DDC: variants seen among roughly 807,000 people sequenced by gnomAD.
DDC encodes the protein dopa decarboxylase, also known as aromatic-L-amino-acid decarboxylase.
A neutral mutation model predicts 60.0 loss-of-function variants in DDC; 43 were observed. The ratio of observed to expected loss-of-function variants is 0.72; its 90% confidence interval spans 0.56 to 0.92. The LOEUF (loss-of-function observed/expected upper bound fraction) is 0.92, where lower values mean the gene tolerates loss of function less well. Ranked by LOEUF, DDC falls within the 40% of genes least tolerant of loss-of-function variation. The pLI is 0.00. For missense variants in DDC, 573 were observed against 620.2 expected, an observed-to-expected ratio of 0.92 and a Z score of 0.81; for synonymous variants, 232 against 234.6, an observed-to-expected ratio of 0.99 and a Z score of 0.10.
At chr7:50,562,809 A>G (rs1390221846) in intron 1 of DDC, among the ~76,000 whole-genome samples, 1 of 152,232 alleles carries the variant, frequency 6.6e-6, no homozygotes, top group Admixed American at 6.5e-5. Flanking sequence ...TCATTTATGT[A>G]TAAATAGTAT....
At chr7:50,553,384 C>A (rs1019489200) in intron 1 of DDC, among the ~76,000 whole-genome samples, 3 of 152,114 alleles carry the variant, frequency 2.0e-5, no homozygotes, top group African/African-American at 7.2e-5. Flanking sequence ...GGCTCACTAT[C>A]CCCCTCAAGC....
At chr7:50,526,473 C>T (rs934347515) in intron 6 of DDC, among the ~76,000 whole-genome samples, 1 of 151,308 alleles carries the variant, frequency 6.6e-6, no homozygotes, top group South Asian at 2.1e-4. Flanking sequence ...GAAAAGATGC[C>T]GAATGGAAAT....
intron 6 of DDC, among the ~76,000 whole-genome samples, chr7:50,510,289 C>T (rs970550175): frequency 6.6e-6 from 1 of 151,230 alleles, no homozygotes; most frequent in Non-Finnish European, 1.5e-5. Flanking sequence ...ATGTATCTTA[C>T]TTATTTACTT....
chr7:50,495,308 A>T (rs2043103549), intron 9 of DDC, 42 bp downstream of exon 9: 2 of 1,490,966 alleles, frequency 1.3e-6, no homozygotes, highest in African/African-American at 1.4e-5. Context: ...TTTCACTGTC[A>T]CCTCGGACAG....
intron 6 of DDC, among the ~76,000 whole-genome samples, chr7:50,508,008 T>C (rs1030676624): frequency 6.6e-6 from 1 of 152,252 alleles, no homozygotes; most frequent in Non-Finnish European, 1.5e-5. Context: ...GCTCTTGTTG[T>C]CCTGCCACAT....
intron 8 of DDC, among the ~76,000 whole-genome samples, chr7:50,496,170 A>G (rs1213278627): frequency 6.6e-6 from 1 of 151,772 alleles, no homozygotes; most frequent in African/African-American, 2.4e-5. Flanking sequence ...TGCAGCCTCA[A>G]CCTCCCAAGC....
At chr7:50,471,311 C>T (rs1031101352) in intron 11 of DDC, among the ~76,000 whole-genome samples, 7 of 152,114 alleles carry the variant, frequency 4.6e-5, no homozygotes, top group African/African-American at 1.4e-4. Context: ...ACCCAGGAGG[C>T]GGAGGTTGCA....
chr7:50,483,920 T>C (rs2153536997), intron 9 of DDC, among the ~76,000 whole-genome samples: 1 of 147,606 alleles, frequency 6.8e-6, no homozygotes, highest in South Asian at 2.2e-4. Flanking sequence ...AAAAAAAGAA[T>C]AATAATTTGG....
Position 50,494,236 on chromosome 7 carries a change from C to T in DDC, c.944+1114G>A, listed in dbSNP as rs184538276. On this transcript the variant is annotated intron_variant, in intron 9 of 14. Transcript: ENST00000444124. The stretch of plus-strand genomic sequence containing the variant: ...TTATTAAGAATTTCCGGCCAGGCAC[C>T]GTGGCTTACGCCTGTAATCCCAGCA... Among the ~76,000 whole-genome samples the T allele has an allele frequency of 2.0e-5, 3 of 152,232 alleles. No homozygotes were observed. The South Asian group carries it at 6.2e-4, about 32-fold the overall frequency.
At chr7:50,494,643 C>G (rs182037787) in intron 9 of DDC, among the ~76,000 whole-genome samples, 2 of 150,530 alleles carry the variant, frequency 1.3e-5, no homozygotes, top group African/African-American at 4.9e-5. Context: ...TCTTAGGAAA[C>G]ATGGTTACTA....
chr7:50,551,376 G>A (rs1213498865), intron 1 of DDC, among the ~76,000 whole-genome samples: 2 of 151,816 alleles, frequency 1.3e-5, no homozygotes, highest in East Asian at 1.9e-4. Flanking sequence ...GATTACAGGC[G>A]CATGCCACCA....
intron 10 of DDC, chr7:50,477,477 G>A: frequency 2.2e-6 from 1 of 454,634 alleles, no homozygotes; most frequent in East Asian, 7.0e-5. Flanking sequence ...AGGGGCTGTG[G>A]CAGGGCCATA....
At chr7:50,515,132 A>G (rs2043692422) in intron 6 of DDC, among the ~76,000 whole-genome samples, 1 of 152,242 alleles carries the variant, frequency 6.6e-6, no homozygotes, top group African/African-American at 2.4e-5. Context: ...TTAAGATGAA[A>G]GAAAGAATCT....
chr7:50,525,374 A>G (rs1443469481), intron 6 of DDC, among the ~76,000 whole-genome samples: 1 of 152,236 alleles, frequency 6.6e-6, no homozygotes, highest in Non-Finnish European at 1.5e-5. Context: ...TATAGTTATA[A>G]AAGTTGGAAC....
At chr7:50,488,841 G>T (rs1161820569) in intron 9 of DDC, among the ~76,000 whole-genome samples, 2 of 152,186 alleles carry the variant, frequency 1.3e-5, no homozygotes, top group East Asian at 3.9e-4. Flanking sequence ...TCATCTCGCT[G>T]TTTTCAGCTT....
At chr7:50,556,631 C>T (rs985732940) in intron 1 of DDC, among the ~76,000 whole-genome samples, 1 of 152,204 alleles carries the variant, frequency 6.6e-6, no homozygotes, top group East Asian at 1.9e-4. Context: ...ATTTCACTCT[C>T]CACACCTGTG....
chr7:50,477,881 C>A (rs565685179), intron 10 of DDC, among the ~76,000 whole-genome samples: 1 of 152,146 alleles, frequency 6.6e-6, no homozygotes, highest in South Asian at 2.1e-4. Flanking sequence ...CAACACTCAA[C>A]AGAGTGCATG....
chr7:50,485,353 T>C (rs1451371), intron 9 of DDC, among the ~76,000 whole-genome samples: 61,653 of 152,084 alleles, frequency 0.41, 12,893 homozygotes, highest in Admixed American at 0.51. Flanking sequence ...GTGCTTATAA[T>C]GATTGCCAGT....
chr7:50,490,912 A>T (rs1280136791), intron 9 of DDC, among the ~76,000 whole-genome samples: 2 of 152,234 alleles, frequency 1.3e-5, no homozygotes, highest in African/African-American at 4.8e-5. Flanking sequence ...TGTATTTAAT[A>T]CAATTGGGGA....
Sources: allele counts gnomAD v4.1 joint callset (sites outside exome capture counted in the v4.1 genomes callset), GRCh38; gene constraint gnomAD v4.1.1; transcripts MANE v1.5; gene names NCBI Gene and HGNC (gene_info 2026-07-23, HGNC 2026-07-21).